Variants in RALY observed in about 807,000 individuals in gnomAD.
The protein encoded by RALY is RALY heterogeneous nuclear ribonucleoprotein.
In RALY, 15 loss-of-function variants were observed where a neutral mutation model predicts 30.7. That is an observed-to-expected ratio of 0.49 (90% confidence interval 0.33 to 0.75). The LOEUF (loss-of-function observed/expected upper bound fraction) is 0.75, where lower values mean the gene tolerates loss of function less well. Ranked by LOEUF, RALY falls within the 30% of genes least tolerant of loss-of-function variation. RALY has a pLI of 0.02. For missense variants in RALY, 339 were observed against 414.3 expected (o/e 0.82, Z 1.58); for synonymous variants, 177 against 170.8 (o/e 1.04, Z -0.28).
At chr20:34,039,914 C>T (rs1049283640) in intron 2 of RALY, among the ~76,000 whole-genome samples, 4 of 152,068 alleles carry the variant, frequency 2.6e-5, no homozygotes, top group Admixed American at 1.3e-4. Context: ...AGATTGAGAC[C>T]GTCCTGGCCA....
At chr20:34,040,068 AC>A (rs2032641976) in intron 2 of RALY, among the ~76,000 whole-genome samples, 1 of 151,804 alleles carries the variant, frequency 6.6e-6, no homozygotes, top group South Asian at 2.1e-4. Context: ...CAGAGATCCC[AC>A]CACTGCACTC....
chr20:34,079,182 A>T (rs1638831667), intron 9 of RALY, among the ~76,000 whole-genome samples: 1 of 152,176 alleles, frequency 6.6e-6, no homozygotes, highest in South Asian at 2.1e-4. Context: ...GTGTGACAGG[A>T]GCTGCACCTG....
rs564061256 is a variant in RALY, at chr20:34,042,474, C to T, written c.-10+10870C>T. 6.6e-5 allele frequency among the ~76,000 whole-genome samples: 10 copies of T among 152,332 alleles called. No individual in the cohort carries two copies. In the Middle Eastern group the frequency reaches 0.01, roughly 155 times the overall value. ...TTTCGTTAAGTGACCACTTCTAACA[C>T]TTGACTGGCATCCTGTGCCTGGGTG... is the stretch of plus-strand genomic sequence containing the variant. On this transcript the variant is annotated intron_variant, in intron 2 of 9. Coordinates refer to ENST00000246194, the MANE Select transcript of RALY (RefSeq NM_016732.3).
intron 1 of RALY, among the ~76,000 whole-genome samples, chr20:34,020,738 T>C (rs1427550958): frequency 3.3e-5 from 5 of 152,226 alleles, no homozygotes; most frequent in Non-Finnish European, 4.4e-5. Flanking sequence ...CCACAAAGCC[T>C]AATTACTATC....
chr20:34,013,679 G>A (rs2031499132), intron 1 of RALY, among the ~76,000 whole-genome samples: 1 of 152,124 alleles, frequency 6.6e-6, no homozygotes, highest in Admixed American at 6.5e-5. Flanking sequence ...ATTTATAGCA[G>A]GCCCTTTGAC....
rs150512271 is a variant in RALY at position 34,077,190 on chromosome 20, G to A, written c.821G>A (p.Arg274Gln). The change falls in exon 8 of 10, where the codon CGG becomes CAG. Residue 274 changes from arginine to glutamine, a missense_variant. Transcript: ENST00000246194. ...SEAGLPQGEA[R>Q]TRDDGDEEGL... ...GCAGGCCTGCCCCAGGGGGAAGCAC[G>A]GACCCGAGACGACGGCGATGAGGAA... The A allele has an allele frequency of 5.8e-5, 93 of 1,613,726 alleles. No homozygotes were observed. In the Admixed American group the frequency reaches 1.4e-3, roughly 24 times the overall value.
At chr20:34,043,187 T>G (rs1329231691) in intron 2 of RALY, among the ~76,000 whole-genome samples, 3 of 152,224 alleles carry the variant, frequency 2.0e-5, no homozygotes, top group Non-Finnish European at 2.9e-5. Context: ...TAGACTTGCT[T>G]CTTTTTCTTC....
intron 2 of RALY, among the ~76,000 whole-genome samples, chr20:34,060,049 G>A (rs2033369734): frequency 1.3e-5 from 2 of 152,046 alleles, no homozygotes; most frequent in African/African-American, 2.4e-5. Context: ...ACCTACTCTT[G>A]TCTTTCCTTT....
intron 2 of RALY, among the ~76,000 whole-genome samples, chr20:34,050,538 G>T (rs2033042122): frequency 1.3e-5 from 2 of 152,242 alleles, no homozygotes; most frequent in Admixed American, 1.3e-4. Context: ...GTGATATCAG[G>T]CAGGGTTGAA....
chr20:34,074,982 G>A (rs137985509), intron 5 of RALY, among the ~76,000 whole-genome samples: 120 of 152,294 alleles, frequency 7.9e-4, no homozygotes, highest in African/African-American at 2.7e-3. Flanking sequence ...CCTGGGCTGC[G>A]ATTCCCTGAA....
chr20:34,000,950 T>A (rs1049353504), intron 1 of RALY, among the ~76,000 whole-genome samples: 6 of 152,252 alleles, frequency 3.9e-5, no homozygotes, highest in African/African-American at 1.4e-4. Flanking sequence ...TCTACCTTTT[T>A]ACAGTTTTGT....
At chr20:34,020,095 C>T (rs2031762884) in intron 1 of RALY, among the ~76,000 whole-genome samples, 1 of 152,176 alleles carries the variant, frequency 6.6e-6, no homozygotes, top group South Asian at 2.1e-4. Context: ...CACTGTGTAC[C>T]AGGTTCTGAA....
At chr20:34,027,916 A>G (rs1206080772) in intron 1 of RALY, among the ~76,000 whole-genome samples, 1 of 152,208 alleles carries the variant, frequency 6.6e-6, no homozygotes, top group African/African-American at 2.4e-5. Flanking sequence ...CATTTTGCAG[A>G]TGGGGAATCT....
intron 1 of RALY, among the ~76,000 whole-genome samples, chr20:34,019,600 G>A (rs2031738945): frequency 6.6e-6 from 1 of 152,212 alleles, no homozygotes; most frequent in African/African-American, 2.4e-5. Flanking sequence ...CTGTTCAGTA[G>A]GCAGACACTG....
intron 2 of RALY, among the ~76,000 whole-genome samples, chr20:34,069,417 C>T (rs2033665436): frequency 6.6e-6 from 1 of 151,928 alleles, no homozygotes; most frequent in Admixed American, 6.5e-5. Context: ...GCTTCCTGCT[C>T]AGTGGTGCTT....
intron 2 of RALY, among the ~76,000 whole-genome samples, chr20:34,042,646 T>G (rs1434489303): frequency 6.6e-6 from 1 of 152,172 alleles, no homozygotes; most frequent in Non-Finnish European, 1.5e-5. Context: ...CCAGCAGAAG[T>G]AGAATAGCTG....
At chr20:34,077,726 CTTATGTTGA>C (rs1230051480) in intron 8 of RALY, 1 of 224,132 alleles carries the variant, frequency 4.5e-6, no homozygotes, top group Non-Finnish European at 9.0e-6. Context: ...TGACAAGGAG[CTTATGTTGA>C]GTGGGAGGGT....
intron 6 of RALY, 26 bp from the exon 7 acceptor site, chr20:34,076,676 C>T (rs756078510): frequency 1.9e-6 from 3 of 1,600,946 alleles, no homozygotes; most frequent in East Asian, 2.2e-5. Context: ...CCCTAGGTGA[C>T]AGCCCTGTCC....
intron 5 of RALY, 95 bp downstream of exon 5, chr20:34,073,961 A>T: frequency 7.1e-7 from 1 of 1,407,570 alleles, no homozygotes. Context: ...TCCAAATGAG[A>T]ACCAAAACCC....
Sources: gnomAD v4.1 joint callset for allele counts (sites outside exome capture counted in the v4.1 genomes callset) on GRCh38, gnomAD v4.1.1 for gene constraint, MANE v1.5 for transcripts, NCBI Gene and HGNC (gene_info 2026-07-23, HGNC 2026-07-21) for gene names.